The following PGCKA1 variants were observed in gnomAD, a reference collection of about 807,000 sequenced individuals.
The protein encoded by PGCKA1 is PDCD10 and GCKIII kinases associated 1.
chr4:37,570,384 C>T, the PGCKA1 span, among the ~76,000 whole-genome samples: 7 of 145,172 alleles, frequency 4.8e-5, no homozygotes, highest in Non-Finnish European at 1.0e-4. Context: ...AAATTTGTCC[C>T]GTGAGTTTTC....
At chr4:37,477,532 G>A in the PGCKA1 span, among the ~76,000 whole-genome samples, 44 of 152,290 alleles carry the variant, frequency 2.9e-4, no homozygotes, top group African/African-American at 1.1e-3. Flanking sequence ...TATTTAAATG[G>A]GTGAATTATA....
At chr4:37,587,248 A>G in the PGCKA1 span, among the ~76,000 whole-genome samples, 1 of 152,260 alleles carries the variant, frequency 6.6e-6, no homozygotes, top group South Asian at 2.1e-4. Flanking sequence ...CACCCAGATA[A>G]ACTAGGCAAA....
the PGCKA1 span, among the ~76,000 whole-genome samples, chr4:37,559,692 T>C: frequency 6.6e-6 from 1 of 152,188 alleles, no homozygotes; most frequent in Non-Finnish European, 1.5e-5. Flanking sequence ...TCGAGATGAT[T>C]CCAGTATACT....
the PGCKA1 span, among the ~76,000 whole-genome samples, chr4:37,526,278 ATAGC>A: frequency 6.6e-6 from 1 of 152,226 alleles, no homozygotes; most frequent in Non-Finnish European, 1.5e-5. Context: ...TTCTTCTACA[ATAGC>A]TAGCACAGTG....
the PGCKA1 span, among the ~76,000 whole-genome samples, chr4:37,567,353 TTAAG>T: frequency 6.6e-6 from 1 of 152,238 alleles, no homozygotes; most frequent in Non-Finnish European, 1.5e-5. Flanking sequence ...CTTATTGTGA[TTAAG>T]TACTGGCTGT....
the PGCKA1 span, among the ~76,000 whole-genome samples, chr4:37,499,296 C>A: frequency 6.6e-6 from 1 of 151,928 alleles, no homozygotes; most frequent in Non-Finnish European, 1.5e-5. Flanking sequence ...TTTTGTTGAG[C>A]CTCTGCCAGC....
the PGCKA1 span, among the ~76,000 whole-genome samples, chr4:37,551,464 T>G: frequency 3.0e-4 from 45 of 152,132 alleles, no homozygotes; most frequent in Admixed American, 2.9e-3. Context: ...TCATCACTAA[T>G]AAAACCAGTC....
the PGCKA1 span, among the ~76,000 whole-genome samples, chr4:37,466,831 C>T: frequency 6.6e-6 from 1 of 152,194 alleles, no homozygotes; most frequent in Non-Finnish European, 1.5e-5. Flanking sequence ...AGCACGCTGG[C>T]TTATACCTGT....
At chr4:37,491,990 T>C in the PGCKA1 span, among the ~76,000 whole-genome samples, 1 of 152,082 alleles carries the variant, frequency 6.6e-6, no homozygotes, top group Non-Finnish European at 1.5e-5. Flanking sequence ...ATTTTCTTGC[T>C]TCATTAAGCA....
chr4:37,529,168 A>G, the PGCKA1 span, among the ~76,000 whole-genome samples: 1 of 152,228 alleles, frequency 6.6e-6, no homozygotes, highest in Non-Finnish European at 1.5e-5. Context: ...GCTAAATTTA[A>G]CAATATGTTA....
the PGCKA1 span, among the ~76,000 whole-genome samples, chr4:37,470,057 A>G: frequency 3.9e-5 from 6 of 152,228 alleles, no homozygotes; most frequent in Non-Finnish European, 7.3e-5. Context: ...CTCAACAAAT[A>G]TGTATTGAAC....
the PGCKA1 span, among the ~76,000 whole-genome samples, chr4:37,499,918 C>CTA: frequency 1.3e-5 from 1 of 79,258 alleles, no homozygotes; most frequent in Non-Finnish European, 2.2e-5. Context: ...GTCTTCCTAA[C>CTA]TTTTTTTTTT....
the PGCKA1 span, among the ~76,000 whole-genome samples, chr4:37,579,355 C>T: frequency 8.5e-5 from 13 of 152,276 alleles, no homozygotes; most frequent in South Asian, 4.2e-4. Context: ...TTATGATTAC[C>T]AGTGAGTTTT....
At chr4:37,455,669 T>A in the PGCKA1 span, among the ~76,000 whole-genome samples, 1 of 152,208 alleles carries the variant, frequency 6.6e-6, no homozygotes, top group Admixed American at 6.5e-5. Flanking sequence ...AAACCTTGCA[T>A]ACCAACTCAA....
At chr4:37,479,541 A>T in the PGCKA1 span, among the ~76,000 whole-genome samples, 1 of 152,238 alleles carries the variant, frequency 6.6e-6, no homozygotes. Context: ...GTATAATATG[A>T]ATCAATAGTA....
the PGCKA1 span, among the ~76,000 whole-genome samples, chr4:37,509,976 T>C: frequency 1.2e-5 from 1 of 80,682 alleles, no homozygotes; most frequent in Non-Finnish European, 2.5e-5. Context: ...CGGGAGACCG[T>C]GGGAGAGGGA....
the PGCKA1 span, among the ~76,000 whole-genome samples, chr4:37,540,946 T>C: frequency 0.019 from 2,389 of 122,830 alleles, 73 homozygotes; most frequent in East Asian, 0.11. Context: ...AAAAAACCCC[T>C]TTTTTTTTTT....
the PGCKA1 span, among the ~76,000 whole-genome samples, chr4:37,465,060 AATAACAAAGGTGGCATTT>A: frequency 6.6e-6 from 1 of 152,236 alleles, no homozygotes; most frequent in Non-Finnish European, 1.5e-5. Flanking sequence ...GAGTTTTCAA[AATAACAAAGGTGGCATTT>A]ATAACATTTA....
the PGCKA1 span, among the ~76,000 whole-genome samples, chr4:37,489,142 A>T: frequency 6.7e-5 from 10 of 149,894 alleles, no homozygotes; most frequent in East Asian, 1.9e-3. Context: ...TAAAGTTTCA[A>T]TTATGCAAGA....
Sources: gnomAD v4.1 joint callset for allele counts (sites outside exome capture counted in the v4.1 genomes callset) on GRCh38, gnomAD v4.1.1 for gene constraint, MANE v1.5 for transcripts, NCBI Gene and HGNC (gene_info 2026-07-23, HGNC 2026-07-21) for gene names.